DENND2B: variants seen among roughly 807,000 people sequenced by gnomAD.
The protein encoded by DENND2B is DENN domain-containing protein 2B.
In DENND2B, 32 loss-of-function variants were observed where a neutral mutation model predicts 116.0. The ratio of observed to expected loss-of-function variants is 0.28; its 90% CI spans 0.21 to 0.37. DENND2B has a LOEUF of 0.37. Among genes scored for constraint, DENND2B ranks in the 10% least tolerant of loss-of-function variants. The pLI is 1.00. For missense variants in DENND2B, 1,276 were observed against 1,477.7 expected (o/e 0.86, Z 2.24); for synonymous variants, 588 against 583.9 (o/e 1.01, Z -0.10).
At chr11:8,866,184 C>A (rs960355641) in intron 2 of DENND2B, among the ~76,000 whole-genome samples, 5 of 152,188 alleles carry the variant, frequency 3.3e-5, no homozygotes, top group Non-Finnish European at 7.3e-5. Flanking sequence ...TGGTCTCGAC[C>A]TCCTGACCTT....
intron 4 of DENND2B, 83 bp downstream of exon 4, chr11:8,725,990 A>G: frequency 6.3e-7 from 1 of 1,595,644 alleles, no homozygotes; most frequent in Non-Finnish European, 8.6e-7. Flanking sequence ...ACAGTGAAGG[A>G]GGTCAATCTA....
rs533637513 is a variant in DENND2B at position 8,761,708 on chromosome 11, T to C, written c.-25-10983A>G. The stretch of plus-strand genomic sequence containing the variant: ...CCCACGCTCTCTGGTCTAGCTGAGC[T>C]CAACCTGACTGATGGCAAGCTGCCT... On this transcript the variant is annotated intron_variant, in intron 1 of 19. Coordinates refer to ENST00000313726, the MANE Select transcript of DENND2B (RefSeq NM_213618.2). Among the ~76,000 whole-genome samples the C allele has an allele frequency of 4.6e-5, 7 of 152,284 alleles. No individual in the cohort carries two copies. The East Asian group carries it at 1.4e-3, about 29-fold the overall frequency.
rs1329685437 is a variant in DENND2B at position 8,726,221 on chromosome 11, A to G, written c.1341-12T>C. ...ACTCAAAGGATTTTCTGTGGATAAC[A>G]AGAGCAAGAGTCATTCCTGCTGAAT... On this transcript the variant is annotated splice_polypyrimidine_tract_variant and intron_variant, in intron 3 of 19. Coordinates refer to ENST00000313726, the MANE Select transcript of DENND2B (RefSeq NM_213618.2). 1 of 1,600,174 alleles carries G rather than the reference A, an allele frequency of 6.2e-7. No homozygotes were observed. Among genetic ancestry groups the G allele is most frequent in the Admixed American group, 1.7e-5 (1 of 58,330 alleles).
chr11:8,820,383 C>T (rs1383643625), intron 4 of DENND2B, among the ~76,000 whole-genome samples: 1 of 152,158 alleles, frequency 6.6e-6, no homozygotes, highest in Non-Finnish European at 1.5e-5. Context: ...AAAATGCTCA[C>T]AGACTTTGAC....
intron 1 of DENND2B, chr11:8,776,406 G>A (rs183861255): frequency 2.6e-6 from 1 of 379,048 alleles, no homozygotes; most frequent in Non-Finnish European, 5.2e-6. Context: ...CACCTGCCTT[G>A]TGCAAGACAC....
intron 4 of DENND2B, chr11:8,718,408 T>C (rs1333275495): frequency 2.4e-5 from 37 of 1,531,242 alleles, no homozygotes; most frequent in Non-Finnish European, 3.1e-5. Flanking sequence ...GAGCAGGGCT[T>C]CGCCAGGCCC....
intron 1 of DENND2B, among the ~76,000 whole-genome samples, chr11:8,900,835 G>C (rs1386566203): frequency 6.6e-6 from 1 of 151,952 alleles, no homozygotes; most frequent in East Asian, 1.9e-4. Context: ...CAGGCATAGT[G>C]GTGGGCACCT....
chr11:8,695,416 C>A (rs781132645), intron 19 of DENND2B, 47 bp downstream of exon 19: 10 of 1,559,860 alleles, frequency 6.4e-6, no homozygotes, highest in Non-Finnish European at 4.4e-6. Context: ...CTCCCAGCCC[C>A]TTCCTTCTTG....
Position 8,729,248 on chromosome 11 carries a change from C to T in DENND2B, c.1340+702G>A, listed in dbSNP as rs186024906. On this transcript the variant is annotated intron_variant, in intron 3 of 19. Transcript: ENST00000313726. ...GCCTACCCTGATTCAGAGAACAAGA[C>T]GCCTGCCAGCTTTCACCAATTCCAA... 4.6e-5 allele frequency among the ~76,000 whole-genome samples: 7 copies of T among 152,296 alleles called. No homozygotes were observed. In the East Asian group the frequency reaches 1.2e-3, roughly 25 times the overall value.
intron 4 of DENND2B, among the ~76,000 whole-genome samples, chr11:8,823,152 A>AAT (rs971405304): frequency 1.1e-4 from 16 of 152,096 alleles, no homozygotes; most frequent in East Asian, 3.9e-4. Context: ...ATTTGTATAT[A>AAT]ATATATATAT....
chr11:8,738,540 T>C (rs2049551306), intron 2 of DENND2B, among the ~76,000 whole-genome samples: 1 of 152,154 alleles, frequency 6.6e-6, no homozygotes. Context: ...ATTGATCTAC[T>C]TGATGACTAT....
intron 2 of DENND2B, among the ~76,000 whole-genome samples, chr11:8,863,651 A>G (rs1463140996): frequency 6.6e-6 from 1 of 152,096 alleles, no homozygotes; most frequent in Non-Finnish European, 1.5e-5. Context: ...CTCACAACTG[A>G]TATTGCTGAT....
chr11:8,869,215 C>T (rs900501745), intron 2 of DENND2B, among the ~76,000 whole-genome samples: 1 of 152,142 alleles, frequency 6.6e-6, no homozygotes, highest in Non-Finnish European at 1.5e-5. Flanking sequence ...CCAATCTAAG[C>T]GTTCAGTAAA....
intron 1 of DENND2B, among the ~76,000 whole-genome samples, chr11:8,910,103 G>A (rs1452962050): frequency 6.6e-6 from 1 of 151,932 alleles, no homozygotes; most frequent in Non-Finnish European, 1.5e-5. Context: ...GACCCCAAGA[G>A]AACAGGTCTC....
rs374483724 is a variant in DENND2B at position 8,715,688 on chromosome 11, G to A, written c.1760C>T (p.Pro587Leu). Residue 587 changes from proline to leucine, a missense_variant, in exon 6 of 20, where the codon CCG (proline) becomes CTG (leucine). Physicochemically the swap from Pro to Leu is moderately conservative, Grantham distance 98. This residue lies in a region of DENND2B where 856 missense variants were observed against 846.6 expected (regional missense o/e 1.01). Coordinates refer to ENST00000313726, the MANE Select transcript of DENND2B (RefSeq NM_213618.2). ...TTCATTGAGGCTGGAGGGTGAGGAC[G>A]GCAGACTCAGCTGAGCCAGCAGCAG... ...DMLLLAQLSL[P>L]SSPSSLNEDS... The A allele has an allele frequency of 1.5e-5, 25 of 1,614,072 alleles. No homozygotes were observed. The highest frequency in any genetic ancestry group is 1.9e-5 in the Non-Finnish European group (22 of 1,180,048).
chr11:8,834,494 A>G (rs550221401), intron 4 of DENND2B, among the ~76,000 whole-genome samples: 1 of 152,316 alleles, frequency 6.6e-6, no homozygotes, highest in Non-Finnish European at 1.5e-5. Flanking sequence ...AAAGTGGGAG[A>G]ATTTCATTGG....
chr11:8,759,042 G>C (rs989631022), intron 1 of DENND2B, among the ~76,000 whole-genome samples: 1 of 152,120 alleles, frequency 6.6e-6, no homozygotes, highest in Non-Finnish European at 1.5e-5. Flanking sequence ...GCCTTCACCA[G>C]ACAACTCTCT....
At chr11:8,751,680 GAA>G (rs1216372462) in intron 1 of DENND2B, among the ~76,000 whole-genome samples, 1 of 152,146 alleles carries the variant, frequency 6.6e-6, no homozygotes, top group Non-Finnish European at 1.5e-5. Context: ...CTTCATTCTT[GAA>G]GTCAGTGAGA....
chr11:8,855,167 GA>G (rs869036533), intron 3 of DENND2B, among the ~76,000 whole-genome samples: 1 of 87,600 alleles, frequency 1.1e-5, no homozygotes, highest in South Asian at 4.0e-4. Context: ...AGAAAGAAAA[GA>G]AAAAAGAAAA....
Sources: allele counts gnomAD v4.1 joint callset (sites outside exome capture counted in the v4.1 genomes callset), GRCh38; gene constraint gnomAD v4.1.1; regional missense constraint gnomAD v4.1.1; transcripts MANE v1.5; gene names NCBI Gene and HGNC (gene_info 2026-07-23, HGNC 2026-07-21).